Variants in EFNA5 observed in about 807,000 individuals in gnomAD.
The protein encoded by EFNA5 is ephrin A5, also known as ephrin-A5.
EFNA5 carries 5 observed loss-of-function variants against 22.9 expected under a neutral mutation model. The observed-to-expected ratio is 0.22, with a 90% CI of 0.11 to 0.46. EFNA5 has a LOEUF of 0.46. EFNA5 is among the 20% of genes least tolerant of loss of function. EFNA5 has a pLI of 0.99. For synonymous variants in EFNA5, 113 were observed against 112.2 expected, an observed-to-expected ratio of 1.01 and a Z score of -0.04; for missense variants, 237 against 293.3, an observed-to-expected ratio of 0.81 and a Z score of 1.40.
At chr5:107,478,690 T>G (rs575078250) in intron 1 of EFNA5, among the ~76,000 whole-genome samples, 1 of 152,292 alleles carries the variant, frequency 6.6e-6, no homozygotes, top group Non-Finnish European at 1.5e-5. Flanking sequence ...CAAGTGGAGC[T>G]CATTGGTCTT....
At chr5:107,547,212 A>G (rs1007552253) in intron 1 of EFNA5, among the ~76,000 whole-genome samples, 1 of 152,222 alleles carries the variant, frequency 6.6e-6, no homozygotes, top group Admixed American at 6.5e-5. Flanking sequence ...CAGTAGAAAT[A>G]GCAGAAAAGA....
At chr5:107,442,873 C>T (rs1580454433) in intron 1 of EFNA5, among the ~76,000 whole-genome samples, 1 of 147,030 alleles carries the variant, frequency 6.8e-6, no homozygotes, top group African/African-American at 2.5e-5. Flanking sequence ...GATGGTATTT[C>T]CCCCCAAGAC....
intron 1 of EFNA5, among the ~76,000 whole-genome samples, chr5:107,466,954 C>A (rs1174621166): frequency 6.6e-6 from 1 of 152,032 alleles, no homozygotes; most frequent in African/African-American, 2.4e-5. Flanking sequence ...TTAAGTATTT[C>A]TTTTATTCTT....
intron 1 of EFNA5, among the ~76,000 whole-genome samples, chr5:107,596,144 C>CA (rs1452241112): frequency 2.6e-5 from 4 of 152,062 alleles, no homozygotes; most frequent in Non-Finnish European, 5.9e-5. Context: ...TTTATTATGG[C>CA]AAAAACATAA....
chr5:107,514,234 T>C (rs1747432459), intron 1 of EFNA5, among the ~76,000 whole-genome samples: 1 of 152,172 alleles, frequency 6.6e-6, no homozygotes, highest in Non-Finnish European at 1.5e-5. Context: ...GAGACGGGGC[T>C]CCTCATCAGG....
intron 1 of EFNA5, among the ~76,000 whole-genome samples, chr5:107,430,006 A>T (rs1446386494): frequency 6.6e-6 from 1 of 152,208 alleles, no homozygotes; most frequent in East Asian, 1.9e-4. Flanking sequence ...ATAAGGACAA[A>T]TTCTCAGAAT....
At chr5:107,571,391 A>G (rs998964926) in intron 1 of EFNA5, among the ~76,000 whole-genome samples, 4 of 152,104 alleles carry the variant, frequency 2.6e-5, no homozygotes, top group African/African-American at 7.2e-5. Flanking sequence ...TCCTGTGCAG[A>G]TGGCTCGCTG....
chr5:107,670,014 A>G (rs1291014881), intron 1 of EFNA5, among the ~76,000 whole-genome samples: 3 of 145,548 alleles, frequency 2.1e-5, no homozygotes, highest in African/African-American at 7.7e-5. Context: ...GGGAAAAGAG[A>G]AGGGAAAATT....
At chr5:107,397,225 CT>C (rs1279460293) in intron 2 of EFNA5, among the ~76,000 whole-genome samples, 1 of 152,088 alleles carries the variant, frequency 6.6e-6, no homozygotes, top group Non-Finnish European at 1.5e-5. Context: ...CACTCCAGCC[CT>C]GTCGGCAGGG....
chr5:107,433,712 T>C (rs954278966), intron 1 of EFNA5, among the ~76,000 whole-genome samples: 1 of 151,956 alleles, frequency 6.6e-6, no homozygotes, highest in Non-Finnish European at 1.5e-5. Flanking sequence ...CTGGGCAATA[T>C]AGTGAGACTC....
chr5:107,538,029 G>C (rs1747963385), intron 1 of EFNA5, among the ~76,000 whole-genome samples: 2 of 152,168 alleles, frequency 1.3e-5, no homozygotes, highest in Non-Finnish European at 2.9e-5. Context: ...ATTTTATAGG[G>C]TGGACCTTCG....
At chr5:107,557,333 G>A (rs1748443627) in intron 1 of EFNA5, among the ~76,000 whole-genome samples, 1 of 96,986 alleles carries the variant, frequency 1.0e-5, no homozygotes, top group Non-Finnish European at 2.3e-5. Context: ...AGGTACGTGG[G>A]AGGTGCTTAG....
intron 1 of EFNA5, among the ~76,000 whole-genome samples, chr5:107,432,652 G>A (rs112378125): frequency 9.2e-5 from 14 of 152,190 alleles, no homozygotes; most frequent in African/African-American, 3.1e-4. Flanking sequence ...AAACAATTAC[G>A]GCCCTGCCTG....
chr5:107,621,103 C>T (rs1188571828), intron 1 of EFNA5, among the ~76,000 whole-genome samples: 3 of 152,140 alleles, frequency 2.0e-5, no homozygotes, highest in Non-Finnish European at 4.4e-5. Context: ...GTGGAACAAT[C>T]CAAGAATTTT....
intron 2 of EFNA5, among the ~76,000 whole-genome samples, chr5:107,398,804 G>A (rs192085798): frequency 4.8e-5 from 7 of 145,070 alleles, no homozygotes; most frequent in Admixed American, 2.9e-4. Flanking sequence ...GCAGTGAGCC[G>A]TGTCTGTACC....
intron 2 of EFNA5, among the ~76,000 whole-genome samples, chr5:107,423,325 A>C (rs1748719673): frequency 6.6e-6 from 1 of 152,112 alleles, no homozygotes; most frequent in Non-Finnish European, 1.5e-5. Flanking sequence ...AATAACTGCA[A>C]AACTTCTATC....
chr5:107,597,745 G>C (rs549253597), intron 1 of EFNA5, among the ~76,000 whole-genome samples: 111 of 152,208 alleles, frequency 7.3e-4, no homozygotes, highest in African/African-American at 2.6e-3. Flanking sequence ...AATTTCAACA[G>C]ACCGTGAACC....
intron 1 of EFNA5, among the ~76,000 whole-genome samples, chr5:107,513,297 C>T (rs1747411992): frequency 1.3e-5 from 2 of 151,964 alleles, no homozygotes; most frequent in South Asian, 2.1e-4. Flanking sequence ...AAATAAAAGC[C>T]TGTTGGGATT....
chr5:107,508,541 G>T (rs1014370688), intron 1 of EFNA5, among the ~76,000 whole-genome samples: 1 of 152,158 alleles, frequency 6.6e-6, no homozygotes, highest in Non-Finnish European at 1.5e-5. Context: ...GACATGAACT[G>T]CAGACAAATT....
Sources: allele counts gnomAD v4.1 joint callset (sites outside exome capture counted in the v4.1 genomes callset), GRCh38; gene constraint gnomAD v4.1.1; transcripts MANE v1.5; gene names NCBI Gene and HGNC (gene_info 2026-07-23, HGNC 2026-07-21).